MTIF2: variants seen among roughly 807,000 people sequenced by gnomAD.
The protein encoded by MTIF2 is mitochondrial translational initiation factor 2, also known as translation initiation factor IF-2, mitochondrial.
A neutral mutation model predicts 83.5 loss-of-function variants in MTIF2; 71 were observed. That is an observed-to-expected ratio of 0.85 (90% CI 0.70 to 1.04). MTIF2 has a LOEUF of 1.04. MTIF2 is among the 50% of genes least tolerant of loss of function. The pLI, the probability that MTIF2 is intolerant of heterozygous loss-of-function variation, is 0.00. For missense variants in MTIF2, 957 were observed against 846.5 expected, an observed-to-expected ratio of 1.13 and a Z score of -1.62; for synonymous variants, 319 against 287.1, an observed-to-expected ratio of 1.11 and a Z score of -1.12.
At chr2:55,250,843 C>T (rs950174516) in intron 8 of MTIF2, among the ~76,000 whole-genome samples, 2 of 151,992 alleles carry the variant, frequency 1.3e-5, no homozygotes, top group Admixed American at 6.6e-5. Context: ...TGGCCGGGCA[C>T]GGTGGCTCAT....
intron 2 of MTIF2, chr2:55,267,889 T>G (rs1210115149): frequency 1.3e-5 from 2 of 152,162 alleles, no homozygotes; most frequent in Non-Finnish European, 1.5e-5. Flanking sequence ...GCATTTTACC[T>G]TAAAAGGCTT....
chr2:55,239,922 G>T, intron 14 of MTIF2, 89 bp downstream of exon 14: 2 of 1,169,446 alleles, frequency 1.7e-6, no homozygotes, highest in South Asian at 1.7e-5. Flanking sequence ...TTTCAACATT[G>T]AAAACGTTTC....
chr2:55,256,657 C>T (rs1251040883), intron 5 of MTIF2, among the ~76,000 whole-genome samples: 8 of 150,770 alleles, frequency 5.3e-5, no homozygotes, highest in East Asian at 2.0e-4. Flanking sequence ...GCCGAGATCA[C>T]GCCACTGCGC....
At chr2:55,262,587 G>A (rs1678106606) in intron 4 of MTIF2, among the ~76,000 whole-genome samples, 160 bp from the exon 5 acceptor site, 2 of 123,090 alleles carry the variant, frequency 1.6e-5, no homozygotes, top group African/African-American at 3.1e-5. Context: ...CTGTCACCCA[G>A]GCTGGAGTGC....
intron 10 of MTIF2, among the ~76,000 whole-genome samples, chr2:55,246,011 G>C (rs547117871): frequency 2.0e-5 from 3 of 152,208 alleles, no homozygotes; most frequent in Non-Finnish European, 2.9e-5. Context: ...GCAACCATTG[G>C]TATTTCATTC....
intron 8 of MTIF2, among the ~76,000 whole-genome samples, chr2:55,251,648 A>C (rs13016921): frequency 1.3e-5 from 2 of 151,978 alleles, no homozygotes; most frequent in African/African-American, 4.8e-5. Flanking sequence ...TTTGAGACGG[A>C]GTTTCGCTTT....
intron 5 of MTIF2, among the ~76,000 whole-genome samples, chr2:55,258,164 A>C (rs1157657730): frequency 6.6e-6 from 1 of 152,162 alleles, no homozygotes; most frequent in Admixed American, 6.6e-5. Context: ...ACCAGCTCAA[A>C]TAATTCCTTA....
chr2:55,261,072 C>T (rs963960193), intron 5 of MTIF2, among the ~76,000 whole-genome samples: 2 of 151,706 alleles, frequency 1.3e-5, no homozygotes, highest in Non-Finnish European at 2.9e-5. Context: ...CTGCAAGCTC[C>T]GCCTCCACGG....
In MTIF2 at chr2:55,252,669, T is replaced by C. The variant is rs1558567505; in HGVS notation, c.665-16A>G. 6.2e-7 allele frequency: 1 copy of C among 1,600,586 alleles called. No homozygotes were observed. Among genetic ancestry groups the C allele is most frequent in the Non-Finnish European group, 8.5e-7 (1 of 1,171,236 alleles). ...GGCAGAGAGACTGTGGAAACAGAAATTCAAGAACATCAAGGATTCAAACAT... is the reference window on the plus strand; with the variant it reads ...GGCAGAGAGACTGTGGAAACAGAAACTCAAGAACATCAAGGATTCAAACAT... On this transcript the variant is annotated splice_polypyrimidine_tract_variant and intron_variant, in intron 7 of 15. Coordinates refer to ENST00000263629, the MANE Select transcript of MTIF2 (RefSeq NM_002453.3).
chr2:55,238,935 G>A (rs1676096205), intron 14 of MTIF2, among the ~76,000 whole-genome samples: 1 of 152,246 alleles, frequency 6.6e-6, no homozygotes, highest in Admixed American at 6.5e-5. Flanking sequence ...TAATAAATCT[G>A]TTATGTAGAC....
In MTIF2 at chr2:55,258,439, T is replaced by C. The variant is rs1677708793; in HGVS notation, c.332-3614A>G. Among the ~76,000 whole-genome samples, 2 of 152,090 alleles carry C rather than the reference T, an allele frequency of 1.3e-5. 1 individual carries two copies. The highest frequency in any genetic ancestry group is 1.3e-4 in the Admixed American group (2 of 15,254). On this transcript the variant is annotated intron_variant, in intron 5 of 15. Coordinates refer to ENST00000263629, the MANE Select transcript of MTIF2 (RefSeq NM_002453.3). ...ATCCCACCACTTTGGGAAGCCGAGG[T>C]GGGTGGATCACCTGAGGTCAGGAGT...
intron 9 of MTIF2, among the ~76,000 whole-genome samples, chr2:55,248,191 A>C (rs996835764): frequency 3.3e-5 from 5 of 152,202 alleles, no homozygotes; most frequent in African/African-American, 9.6e-5. Flanking sequence ...GCCTGGCCAA[A>C]TACTTTAATC....
chr2:55,262,541 CTTT>C (rs66500251), intron 4 of MTIF2, 114 bp from the exon 5 acceptor site: 1,204 of 282,468 alleles, frequency 4.3e-3, no homozygotes, highest in East Asian at 9.3e-3. Context: ...CTTTTTTTTT[CTTT>C]TTTTTTTTTT....
chr2:55,268,024 G>A (rs886869899), intron 2 of MTIF2, among the ~76,000 whole-genome samples: 2 of 152,086 alleles, frequency 1.3e-5, no homozygotes, highest in African/African-American at 4.8e-5. Context: ...AGGTCGAGGC[G>A]GGCGGATCAC....
intron 14 of MTIF2, among the ~76,000 whole-genome samples, chr2:55,238,054 T>G (rs1573844563): frequency 2.6e-5 from 4 of 152,078 alleles, no homozygotes; most frequent in Admixed American, 2.6e-4. Flanking sequence ...TCTCTGTTAT[T>G]TTTTAAAAAA....
intron 12 of MTIF2, 48 bp from the exon 13 acceptor site, chr2:55,243,128 C>T: frequency 6.6e-7 from 1 of 1,516,380 alleles, no homozygotes; most frequent in Non-Finnish European, 8.9e-7. Context: ...AGTTAGACAT[C>T]AGCAGACATA....
chr2:55,266,152 G>A (rs1393324727), intron 3 of MTIF2, among the ~76,000 whole-genome samples: 1 of 152,094 alleles, frequency 6.6e-6, no homozygotes, highest in Non-Finnish European at 1.5e-5. Flanking sequence ...AAAAAGAATG[G>A]AAATTATGAA....
chr2:55,262,170 T>C, intron 5 of MTIF2, 146 bp downstream of exon 5: 1 of 640,302 alleles, frequency 1.6e-6, no homozygotes, highest in South Asian at 1.9e-5. Context: ...GGATTATGAC[T>C]TAAAGTGAAG....
At chr2:55,250,307 A>G (rs1041431654) in intron 8 of MTIF2, among the ~76,000 whole-genome samples, 2 of 151,900 alleles carry the variant, frequency 1.3e-5, no homozygotes, top group African/African-American at 4.8e-5. Context: ...TGTTAAGTGG[A>G]CCCACACAGT....
Sources: allele counts gnomAD v4.1 joint callset (sites outside exome capture counted in the v4.1 genomes callset), GRCh38; gene constraint gnomAD v4.1.1; transcripts MANE v1.5; gene names NCBI Gene and HGNC (gene_info 2026-07-23, HGNC 2026-07-21).